XRCC3: variants seen among roughly 807,000 people sequenced by gnomAD.
XRCC3 encodes the protein X-ray repair cross complementing 3.
A neutral mutation model predicts 29.2 loss-of-function variants in XRCC3; 34 were observed. That is an observed-to-expected ratio of 1.16 (90% CI 0.88 to 1.55). XRCC3 has a LOEUF of 1.55. XRCC3 is among the 40% of genes most tolerant of loss of function. The probability of loss-of-function intolerance (pLI) is 0.00; values close to 1 mark genes in which losing one functional copy is unlikely to be tolerated. For synonymous variants in XRCC3, 223 were observed against 211.3 expected, an observed-to-expected ratio of 1.06 and a Z score of -0.48; for missense variants, 463 against 467.6, an observed-to-expected ratio of 0.99 and a Z score of 0.09.
intron 5 of XRCC3, chr14:103,707,949 C>G (rs1413856131): frequency 9.2e-6 from 2 of 216,292 alleles, no homozygotes; most frequent in East Asian, 2.2e-4. Flanking sequence ...GTGGCCGTGG[C>G]ACCTGCCCAC....
intron 7 of XRCC3, chr14:103,701,314 A>T (rs1056657376): frequency 8.8e-7 from 1 of 1,134,416 alleles, no homozygotes; most frequent in East Asian, 2.6e-5. Context: ...GCGCTCACTC[A>T]TTTCTCCTGC....
intron 6 of XRCC3, 176 bp downstream of exon 6, chr14:103,706,827 C>G: frequency 5.1e-6 from 4 of 788,272 alleles, no homozygotes; most frequent in Non-Finnish European, 8.3e-6. Flanking sequence ...TGAGCCCAGC[C>G]TCACTTCCCC....
rs3212043 is a variant in XRCC3, at chr14:103,709,034, G to A, written c.56-375C>T. ...AGCTGGAGACAGTGCTCCAGAAGGG[G>A]GCAGGAAAAAACCAGCACCGAGCTT... On this transcript the variant is annotated intron_variant, in intron 4 of 9. Coordinates refer to ENST00000555055, the MANE Select transcript of XRCC3 (RefSeq NM_005432.4). 1.3e-3 allele frequency: 447 copies of A among 353,740 alleles called. 1 individual carries two copies. Among genetic ancestry groups the A allele is most frequent in the African/African-American group, 8.9e-3 (417 of 46,918 alleles). The allele number at this position is 353,740 out of a possible 1,614,324, so 21.9% of individuals were successfully genotyped here. A position where few individuals can be genotyped will look rare whatever the true frequency, so the allele number is the denominator to read the frequency against.
At position 103,703,636 on chromosome 14, in the gene XRCC3, C is replaced by T. The variant is rs3212084; in HGVS notation, c.407-309G>A. 1.5e-4 allele frequency: 63 copies of T among 418,960 alleles called. No homozygotes were observed. In the East Asian group the frequency reaches 2.5e-3, roughly 17 times the overall value. 26.0% of individuals were successfully genotyped at this position (418,960 alleles called of 1,614,324 possible). A position where few individuals can be genotyped will look rare whatever the true frequency, so the allele number is the denominator to read the frequency against. Reference sequence around the variant, plus strand: ...GATGGGAGGCCTCTCCTGCTCCACCCTGCCCCTCCTTCCCCCTGTGAACCT... The same window carrying T: ...GATGGGAGGCCTCTCCTGCTCCACCTTGCCCCTCCTTCCCCCTGTGAACCT... On this transcript the variant is annotated intron_variant, in intron 6 of 9. Transcript: ENST00000555055.
Position 103,706,995 on chromosome 14 carries a change from C to A in XRCC3, c.406+8G>T. 1 of 1,548,452 alleles carries A rather than the reference C, an allele frequency of 6.5e-7. No homozygotes were observed. The highest frequency in any genetic ancestry group is 1.4e-5 in the African/African-American group (1 of 73,462). The stretch of plus-strand genomic sequence containing the variant: ...TGCCCAGACCCCACGGAAGGGGTGG[C>A]CACTCACCAGCCTCCAGGCCTCCGT... On this transcript the variant is annotated splice_region_variant and intron_variant, in intron 6 of 9. Transcript: ENST00000555055.
chr14:103,699,070 C>T, intron 9 of XRCC3, 53 bp from the exon 10 acceptor site: 1 of 1,563,612 alleles, frequency 6.4e-7, no homozygotes, highest in South Asian at 1.2e-5. Context: ...GCCCCGCCCA[C>T]TTCGGCCCAG....
In XRCC3 at chr14:103,698,295, C is replaced by CT. The variant is rs2082742304; in HGVS notation, c.*502_*503insA. The stretch of plus-strand genomic sequence containing the variant: ...GGACCCAGAGGTGGGTGAGGAGGAG[C>CT]CGCCTGCCTGCAGCCCCACTGTGGC... On this transcript the variant is annotated 3_prime_UTR_variant, in exon 10 of 10. Transcript: ENST00000555055. The CT allele has an allele frequency of 5.6e-6, 1 of 177,106 alleles. No homozygotes were observed. The highest frequency in any genetic ancestry group is 2.4e-5 in the African/African-American group (1 of 41,934). The allele number at this position is 177,106 out of a possible 1,614,324, so 11.0% of individuals were successfully genotyped here.
intron 4 of XRCC3, chr14:103,709,047 C>T (rs928597887): frequency 5.7e-6 from 2 of 351,220 alleles, no homozygotes; most frequent in Admixed American, 7.9e-5. Context: ...AGGAAAAAAC[C>T]AGCACCGAGC....
intron 4 of XRCC3, chr14:103,709,224 C>T: frequency 5.2e-6 from 1 of 193,788 alleles, no homozygotes; most frequent in Non-Finnish European, 1.1e-5. Flanking sequence ...ACGGCGGTGG[C>T]AGCAGTTACA....
At position 103,698,869 on chromosome 14, in the gene XRCC3, G is replaced by T; in HGVS notation, c.970C>A (p.Pro324Thr). Residue 324 changes from proline to threonine, a missense_variant, in exon 10 of 10, where the codon CCC (proline) becomes ACC (threonine). Transcript: ENST00000555055. ...ATCGTGTAGGAACAGGAGGAGGGGG[G>T]CAGGTGGGGGGCAGAGAGCACCCGC... is the stretch of plus-strand genomic sequence containing the variant. ...TLRVLSAPHL[P>T]PSSCSYTISA... is the part of the protein sequence containing the mutation. 6.2e-7 allele frequency: 1 copy of T among 1,607,232 alleles called. No individual in the cohort carries two copies. Among genetic ancestry groups the T allele is most frequent in the Non-Finnish European group, 8.5e-7 (1 of 1,177,460 alleles).
At chr14:103,712,069 GT>G (rs2083653521) in intron 2 of XRCC3, 1 of 302,640 alleles carries the variant, frequency 3.3e-6, no homozygotes, top group Non-Finnish European at 6.6e-6. Context: ...GATCACGCTG[GT>G]CACTCGTATG....
At chr14:103,700,788 C>T in intron 7 of XRCC3, 3 of 1,338,530 alleles carry the variant, frequency 2.2e-6, no homozygotes, top group Non-Finnish European at 3.1e-6. Flanking sequence ...GGACTTTGCA[C>T]ATGCAGGGAC....
chr14:103,700,716 G>A (rs760362554), intron 7 of XRCC3: 12 of 1,600,004 alleles, frequency 7.5e-6, no homozygotes, highest in South Asian at 4.5e-5. Flanking sequence ...CCTGGAAGAC[G>A]CCACCGCTAA....
At chr14:103,710,853 A>AAAAC (rs2083600988) in intron 4 of XRCC3, 180 bp downstream of exon 4, 1 of 533,000 alleles carries the variant, frequency 1.9e-6, no homozygotes. Flanking sequence ...TGTAGTTAAG[A>AAAAC]ACACACACAC....
intron 5 of XRCC3, chr14:103,708,247 C>G (rs1292355768): frequency 3.9e-6 from 2 of 508,968 alleles, no homozygotes; most frequent in Non-Finnish European, 7.1e-6. Flanking sequence ...GCCAAATCCA[C>G]CCCTGCTTCC....
chr14:103,700,767 G>A (rs771512882), intron 7 of XRCC3: 2 of 1,480,804 alleles, frequency 1.4e-6, no homozygotes, highest in South Asian at 1.2e-5. Flanking sequence ...GCAGGCAGCT[G>A]GGCCAGGGAG....
rs895559196 is a variant in XRCC3, at chr14:103,697,890, C to G, written c.*908G>C. On this transcript the variant is annotated 3_prime_UTR_variant, in exon 10 of 10. Transcript: ENST00000555055. ...TGTGGGACTGCAGGACAGGGTCCTG[C>G]AGGTGGCCCTGCCAGGAGTCCTGCC... The G allele has an allele frequency of 2.0e-5, 3 of 152,384 alleles. No homozygotes were observed. Among genetic ancestry groups the G allele is most frequent in the Middle Eastern group, 3.1e-3 (1 of 318 alleles). 9.4% of individuals were successfully genotyped at this position (152,384 alleles called of 1,614,324 possible).
chr14:103,700,912 G>A (rs76914197), intron 7 of XRCC3, among the ~76,000 whole-genome samples: 1 of 152,156 alleles, frequency 6.6e-6, no homozygotes, highest in Non-Finnish European at 1.5e-5. Context: ...GCCACAGAGT[G>A]GGGGGGTGGG....
chr14:103,707,617 C>T (rs2083480337), intron 5 of XRCC3: 1 of 335,542 alleles, frequency 3.0e-6, no homozygotes. Flanking sequence ...TTAATGGGCT[C>T]CCGCAGGCGC....
Sources: gnomAD v4.1 joint callset for allele counts (sites outside exome capture counted in the v4.1 genomes callset) on GRCh38, gnomAD v4.1.1 for gene constraint, MANE v1.5 for transcripts, NCBI Gene and HGNC (gene_info 2026-07-23, HGNC 2026-07-21) for gene names.